The following EYA4 variants were observed in gnomAD, a reference collection of about 807,000 sequenced individuals.
EYA4 encodes the protein protein phosphatase EYA4.
A neutral mutation model predicts 87.9 loss-of-function variants in EYA4; 31 were observed. That is an observed-to-expected ratio of 0.35 (90% confidence interval 0.27 to 0.48). EYA4 has a LOEUF of 0.48. Among genes scored for constraint, EYA4 ranks in the 20% least tolerant of loss-of-function variants. EYA4 has a pLI of 0.99. For synonymous variants in EYA4, 263 were observed against 270.6 expected (o/e 0.97, Z 0.28); for missense variants, 678 against 761.4 (o/e 0.89, Z 1.29).
intron 3 of EYA4, among the ~76,000 whole-genome samples, chr6:133,432,704 G>T (rs1791296232): frequency 2.0e-5 from 3 of 151,662 alleles, no homozygotes; most frequent in East Asian, 1.9e-4. Flanking sequence ...TTTTTTCAAG[G>T]TTTTATTTTT....
chr6:133,402,190 C>T (rs1475258498), intron 3 of EYA4, among the ~76,000 whole-genome samples: 1 of 151,774 alleles, frequency 6.6e-6, no homozygotes, highest in Admixed American at 6.6e-5. Flanking sequence ...CACACATACC[C>T]CTTCTTTACA....
intron 9 of EYA4, among the ~76,000 whole-genome samples, chr6:133,463,988 C>A (rs1391347687): frequency 6.6e-6 from 1 of 151,190 alleles, no homozygotes; most frequent in South Asian, 2.1e-4. Flanking sequence ...CGAATACTTT[C>A]ATACTGGTTA....
intron 2 of EYA4, among the ~76,000 whole-genome samples, chr6:133,364,465 G>T (rs903148521): frequency 3.9e-5 from 6 of 152,308 alleles, no homozygotes; most frequent in Non-Finnish European, 8.8e-5. Flanking sequence ...TGGGCACAAG[G>T]TGAAGGACTT....
At chr6:133,500,423 C>G (rs1016530970) in intron 13 of EYA4, among the ~76,000 whole-genome samples, 1 of 152,008 alleles carries the variant, frequency 6.6e-6, no homozygotes, top group Non-Finnish European at 1.5e-5. Flanking sequence ...CATCAGAAAA[C>G]CCCACTGACT....
chr6:133,337,161 A>G (rs745091), intron 2 of EYA4, among the ~76,000 whole-genome samples: 37,365 of 152,012 alleles, frequency 0.25, 4,801 homozygotes, highest in Non-Finnish European at 0.29. Flanking sequence ...TGGGGCTTAA[A>G]GTTGAATAGT....
rs1793042082 is a variant in EYA4 at position 133,448,143 on chromosome 6, TG to T, written c.243del (p.Trp81CysfsTer3). On this transcript the variant is annotated frameshift_variant, in exon 5 of 20. Coordinates refer to ENST00000355286, the MANE Select transcript of EYA4 (RefSeq NM_004100.5). LOFTEE classifies it high-confidence loss of function. ...ENMTVLNTAD[W>X]LLSCNTPSSA... is the part of the protein sequence containing the mutation. Reference sequence around the variant, plus strand: ...CATGACTGTTTTAAACACAGCAGACTGGTTGCTGAGTTGCAACACCCCCTCT... The same window carrying T: ...CATGACTGTTTTAAACACAGCAGACTGTTGCTGAGTTGCAACACCCCCTCT... 6.2e-7 allele frequency: 1 copy of T among 1,613,746 alleles called. No individual in the cohort carries two copies. The highest frequency in any genetic ancestry group is 8.5e-7 in the Non-Finnish European group (1 of 1,179,784).
At chr6:133,378,300 A>C (rs1217916018) in intron 2 of EYA4, among the ~76,000 whole-genome samples, 13 of 152,122 alleles carry the variant, frequency 8.5e-5, no homozygotes, top group Non-Finnish European at 1.9e-4. Context: ...CTCTTTGCAC[A>C]TTAGTTTTCT....
intron 3 of EYA4, among the ~76,000 whole-genome samples, chr6:133,388,400 C>T (rs933861770): frequency 9.2e-6 from 1 of 108,110 alleles, no homozygotes; most frequent in African/African-American, 2.7e-5. Flanking sequence ...GAGTGAGACT[C>T]GGTCTCAAAA....
At chr6:133,375,120 T>C (rs1012683255) in intron 2 of EYA4, among the ~76,000 whole-genome samples, 11 of 152,040 alleles carry the variant, frequency 7.2e-5, no homozygotes, top group African/African-American at 2.7e-4. Flanking sequence ...TGAGTCGTAT[T>C]GAGAAGTGTT....
chr6:133,524,508 G>A (rs1800457428), intron 18 of EYA4, among the ~76,000 whole-genome samples: 1 of 152,178 alleles, frequency 6.6e-6, no homozygotes, highest in Non-Finnish European at 1.5e-5. Flanking sequence ...AGTGTTGTCA[G>A]TACTGTGGCC....
At chr6:133,457,140 C>T (rs926812987) in intron 6 of EYA4, among the ~76,000 whole-genome samples, 27 of 152,108 alleles carry the variant, frequency 1.8e-4, no homozygotes, top group African/African-American at 6.5e-4. Flanking sequence ...TAATGGGCTG[C>T]AGGAGAGCAC....
Position 133,515,610 on chromosome 6 carries a change from A to T in EYA4, c.1616+175A>T, listed in dbSNP as rs12527852. On this transcript the variant is annotated intron_variant, in intron 17 of 19. Coordinates refer to ENST00000355286, the MANE Select transcript of EYA4 (RefSeq NM_004100.5). ...ATGTGCATGAGAGAGAGAGAGAGAGAGTGTGTGTGTGAGTGTGTGTGTGTG... is the reference window on the plus strand; with the variant it reads ...ATGTGCATGAGAGAGAGAGAGAGAGTGTGTGTGTGTGAGTGTGTGTGTGTG... Among the ~76,000 whole-genome samples the T allele has an allele frequency of 9.5e-3, 1,245 of 131,584 alleles. 69 individuals are homozygous for T. The East Asian group carries it at 0.18, about 19-fold the overall frequency. The allele number at this position is 131,584 out of a possible 152,430, so 86.3% of individuals were successfully genotyped here.
At chr6:133,296,704 T>A (rs1192379472) in intron 2 of EYA4, among the ~76,000 whole-genome samples, 2 of 152,192 alleles carry the variant, frequency 1.3e-5, no homozygotes, top group Non-Finnish European at 2.9e-5. Context: ...TAGGTTTTTT[T>A]TCTCCTCTAT....
At chr6:133,276,877 A>G (rs1777212135) in intron 2 of EYA4, among the ~76,000 whole-genome samples, 1 of 148,558 alleles carries the variant, frequency 6.7e-6, no homozygotes, top group Non-Finnish European at 1.5e-5. Flanking sequence ...TGGGTTATGC[A>G]TATTGTGGCA....
intron 2 of EYA4, among the ~76,000 whole-genome samples, chr6:133,362,349 G>A (rs1027715100): frequency 2.8e-4 from 43 of 152,238 alleles, no homozygotes; most frequent in African/African-American, 9.6e-4. Context: ...TCTTTGGGCC[G>A]TTATTGTCCT....
chr6:133,345,864 T>A (rs1409513568), intron 2 of EYA4, among the ~76,000 whole-genome samples: 1 of 152,258 alleles, frequency 6.6e-6, no homozygotes, highest in Non-Finnish European at 1.5e-5. Flanking sequence ...TGCACACTGC[T>A]ATGCAGTGCT....
At chr6:133,463,354 C>CTTTTTTTTTTTTTTTTT (rs571663764) in intron 9 of EYA4, among the ~76,000 whole-genome samples, 1 of 115,248 alleles carries the variant, frequency 8.7e-6, no homozygotes, top group African/African-American at 3.4e-5. Flanking sequence ...TGTGTTTTAT[C>CTTTTTTTTTTTTTTTTT]TTTTTTTTTT....
chr6:133,493,309 C>A (rs573992652), intron 13 of EYA4, among the ~76,000 whole-genome samples: 3 of 151,814 alleles, frequency 2.0e-5, no homozygotes, highest in Non-Finnish European at 4.4e-5. Context: ...ACAGTGAAAT[C>A]ATTTTTTACA....
chr6:133,448,166 C>G lies in EYA4; in HGVS notation c.264C>G (p.Pro88=). Residue 88 remains proline (P), a synonymous_variant, in exon 5 of 20, where the codon CCC becomes CCG. Coordinates refer to ENST00000355286, the MANE Select transcript of EYA4 (RefSeq NM_004100.5). ...TADWLLSCNT[P]SSATMSLLAV... ...ACTGGTTGCTGAGTTGCAACACCCC[C>G]TCTTCTGCAACAAGTATGAGAGATG... The G allele has an allele frequency of 1.2e-6, 2 of 1,612,972 alleles. No homozygotes were observed. Among genetic ancestry groups the G allele is most frequent in the East Asian group, 2.2e-5 (1 of 44,868 alleles).
Sources: allele counts gnomAD v4.1 joint callset (sites outside exome capture counted in the v4.1 genomes callset), GRCh38; gene constraint gnomAD v4.1.1; transcripts MANE v1.5; gene names NCBI Gene and HGNC (gene_info 2026-07-23, HGNC 2026-07-21).